The following LMF2 variants were observed in gnomAD, a reference collection of about 807,000 sequenced individuals.
The protein encoded by LMF2 is transmembrane protein 112B.
In LMF2, 113 loss-of-function variants were observed where a neutral mutation model predicts 81.5. The observed-to-expected ratio is 1.39, with a 90% CI of 1.19 to 1.62. The LOEUF (loss-of-function observed/expected upper bound fraction) is 1.62. LMF2 is among the 40% of genes most tolerant of loss of function. The pLI is 0.00. For synonymous variants in LMF2, 645 were observed against 424.5 expected (o/e 1.52, Z -6.39); for missense variants, 1,235 against 929.1 (o/e 1.33, Z -4.28).
rs138672971 is a variant in LMF2, at chr22:50,503,893, C to T, written c.1730G>A (p.Arg577Gln). 117 of 1,604,902 alleles carry T rather than the reference C, an allele frequency of 7.3e-5. No individual in the cohort carries two copies. The highest frequency in any genetic ancestry group is 1.0e-4 in the Admixed American group (6 of 59,930). Residue 577 changes from arginine to glutamine, a missense_variant, in exon 13 of 14, where the codon CGG (arginine) becomes CAG (glutamine). Transcript: ENST00000474879. ...GAAGAACTCCTCCACCCACTGGCGCCGCCACCACTGGCTGCAGCAGGACCC... is the reference window on the plus strand; with the variant it reads ...GAAGAACTCCTCCACCCACTGGCGCTGCCACCACTGGCTGCAGCAGGACCC... Reference protein sequence around the residue: ...SQPGEQGQWWRRQWVEEFFPS... With the variant: ...SQPGEQGQWWQRQWVEEFFPS...
In LMF2 at chr22:50,506,425, G is replaced by A. The variant is rs1040784806; in HGVS notation, c.455C>T (p.Ala152Val). 1.0e-5 allele frequency: 16 copies of A among 1,550,082 alleles called. No homozygotes were observed. The highest frequency in any genetic ancestry group is 5.5e-5 in the African/African-American group (4 of 73,288). The change falls in exon 4 of 14, where the codon GCC becomes GTC. Residue 152 changes from alanine to valine, a missense_variant. Coordinates refer to ENST00000474879, the MANE Select transcript of LMF2 (RefSeq NM_033200.3). ...PLRPASHRKE[A>V]PQGRQAGALP... ...GGCCCCTGCCTGCCTGCCCTGGGGG[G>A]CCTCCTTGCGGTGGGAGGCTGGCCT...
rs41280569 is a variant in LMF2, at chr22:50,502,987, A to G, written c.*404T>C. ...GACGCCTTTATTGGTGCCCAGATCT[A>G]AAGGGCAGGATGGGCTGGTGTGAAG... On this transcript the variant is annotated 3_prime_UTR_variant, in exon 14 of 14. Coordinates refer to ENST00000474879, the MANE Select transcript of LMF2 (RefSeq NM_033200.3). 0.021 allele frequency: 3,936 copies of G among 188,380 alleles called. 87 individuals carry two copies. Among genetic ancestry groups the G allele is most frequent in the Middle Eastern group, 0.088 (40 of 456 alleles). 11.7% of individuals were successfully genotyped at this position (188,380 alleles called of 1,614,324 possible). A position where few individuals can be genotyped will look rare whatever the true frequency, so the allele number is the denominator to read the frequency against.
In LMF2 at chr22:50,506,069, A is replaced by G; in HGVS notation, c.740T>C (p.Ile247Thr). ...IAVPPLFFAP[I>T]RRLRLAAFYS... ...GAAAGCAGCCAAGCGCAGGCGTCGA[A>G]TGGGGGCGAAGAACAGGGGCGGCAC... Residue 247 changes from isoleucine (I) to threonine (T), a missense_variant, in exon 5 of 14, where the codon ATT becomes ACT. Transcript: ENST00000474879. 1 of 1,591,870 alleles carries G rather than the reference A, an allele frequency of 6.3e-7. No individual in the cohort carries two copies. The highest frequency in any genetic ancestry group is 1.3e-5 in the African/African-American group (1 of 74,810).
chr22:50,507,421 A>G (rs960260305), intron 1 of LMF2, among the ~76,000 whole-genome samples, 161 bp downstream of exon 1: 1 of 149,722 alleles, frequency 6.7e-6, no homozygotes, highest in Non-Finnish European at 1.5e-5. Flanking sequence ...ACACCTTCCT[A>G]CCCCCACAGC....
At position 50,503,412 on chromosome 22, in the gene LMF2, C is replaced by G. The variant is rs746352269; in HGVS notation, c.2103G>C (p.Arg701Ser). ...ACAGCTACTTCTTTCGCCGGGTGGTCCTCGAACTACTGGAGCAGGGGTTGG... is the reference window on the plus strand; with the variant it reads ...ACAGCTACTTCTTTCGCCGGGTGGTGCTCGAACTACTGGAGCAGGGGTTGG... ...AAPNPCSSSS[R>S]TTRRKK is the part of the protein sequence containing the mutation. The change falls in exon 14 of 14, where the codon AGG (arginine) becomes AGC (serine). Residue 701 changes from arginine to serine, a missense_variant. Transcript: ENST00000474879. 6.2e-7 allele frequency: 1 copy of G among 1,610,038 alleles called. No individual in the cohort carries two copies. Among genetic ancestry groups the G allele is most frequent in the East Asian group, 2.2e-5 (1 of 44,760 alleles).
In LMF2 at chr22:50,504,448, A is replaced by G. The variant is rs770481325; in HGVS notation, c.1610T>C (p.Ile537Thr). Residue 537 changes from isoleucine to threonine, a missense_variant, in exon 12 of 14, where the codon ATC becomes ACC. Coordinates refer to ENST00000474879, the MANE Select transcript of LMF2 (RefSeq NM_033200.3). ...GGCCACTTGGCTCTGGACAAGGCGG[A>G]TCACTGCAGCGAGAGGCATCAGCGT... ...LRLLQGKEPVIRLVQSQVARY... is the reference protein window; with the variant it reads ...LRLLQGKEPVTRLVQSQVARY... The G allele has an allele frequency of 1.2e-6, 2 of 1,611,188 alleles. No homozygotes were observed. Among genetic ancestry groups the G allele is most frequent in the Non-Finnish European group, 1.7e-6 (2 of 1,179,498 alleles).
Position 50,504,973 on chromosome 22 carries a change from G to C in LMF2, c.1266C>G (p.Ser422=). The part of the protein sequence containing the change: ...ALFLISLVPY[S]YVEPGTHGRL... ...GCCCGTGGGTCCCGGGCTCCACGTA[G>C]GAGTACGGCACCTGGAGACAGGTGG... is the stretch of plus-strand genomic sequence containing the variant. The change falls in exon 10 of 14, where the codon TCC becomes TCG. Residue 422 remains serine, a synonymous_variant. Transcript: ENST00000474879. 6.2e-7 allele frequency: 1 copy of C among 1,609,436 alleles called. No individual in the cohort carries two copies. Among genetic ancestry groups the C allele is most frequent in the East Asian group, 2.2e-5 (1 of 44,738 alleles).
At position 50,503,521 on chromosome 22, in the gene LMF2, G is replaced by A. The variant is rs371376101; in HGVS notation, c.1994C>T (p.Pro665Leu). ...LLAPCSLRSS[P>L]LAPVSGEKRR... is the part of the protein sequence containing the mutation. ...CTTCTCCCCGCTGACTGGTGCCAGCGGGGAGGACCGGAGAGAACAGGGTGC... is the reference window on the plus strand; with the variant it reads ...CTTCTCCCCGCTGACTGGTGCCAGCAGGGAGGACCGGAGAGAACAGGGTGC... The change falls in exon 14 of 14, where the codon CCG becomes CTG. Residue 665 changes from proline to leucine, a missense_variant. Coordinates refer to ENST00000474879, the MANE Select transcript of LMF2 (RefSeq NM_033200.3). 3.8e-5 allele frequency: 60 copies of A among 1,573,464 alleles called. No homozygotes were observed. The African/African-American group carries it at 4.5e-4, about 12-fold the overall frequency.
At position 50,505,554 on chromosome 22, in the gene LMF2, T is replaced by C. The variant is rs372876010; in HGVS notation, c.917-17A>G. 4.7e-5 allele frequency: 76 copies of C among 1,612,084 alleles called. No individual in the cohort carries two copies. In the African/African-American group the frequency reaches 9.2e-4, roughly 20 times the overall value. On this transcript the variant is annotated splice_polypyrimidine_tract_variant and intron_variant, in intron 6 of 13. Coordinates refer to ENST00000474879, the MANE Select transcript of LMF2 (RefSeq NM_033200.3). ...TGGGCCAGGCTGTGGGGCAGGACAG[T>C]CATGGGTCAGCAGAGGGTCCCCAGC...
At position 50,507,598 on chromosome 22, in the gene LMF2, G is replaced by C. The variant is rs1360479814; in HGVS notation, c.78C>G (p.Leu26=). 1 of 1,564,964 alleles carries C rather than the reference G, an allele frequency of 6.4e-7. No homozygotes were observed. The highest frequency in any genetic ancestry group is 8.7e-7 in the Non-Finnish European group (1 of 1,155,518). The change falls in exon 1 of 14, where the codon CTC becomes CTG. Residue 26 remains leucine, a synonymous_variant. Transcript: ENST00000474879. ...AAVFMFAFAS[L]YTQIPGLYGP... is the part of the protein sequence containing the mutation. ...TGCCTTCACCTGGGATTTGCGTGTA[G>C]AGGGAAGCGAAAGCAAACATGAAGA...
chr22:50,504,710 G>T lies in LMF2; in HGVS notation c.1455C>A (p.Tyr485Ter), dbSNP rs1367994359. 6.2e-7 allele frequency: 1 copy of T among 1,609,948 alleles called. No individual in the cohort carries two copies. Among genetic ancestry groups the T allele is most frequent in the Non-Finnish European group, 8.5e-7 (1 of 1,179,420 alleles). ...GCGGCCGGCTCAGGTTCCCAGGCTTGTACATGAACTCGATCTCCTGCCAGG... is the reference window on the plus strand; with the variant it reads ...GCGGCCGGCTCAGGTTCCCAGGCTTTTACATGAACTCGATCTCCTGCCAGG... ...GHHWTEIEFM[Y>*]KPGNLSRPPP... is the part of the protein sequence containing the mutation. The change falls in exon 11 of 14, where the codon TAC becomes TAA. Residue 485 changes from tyrosine to a stop codon, truncating the protein, a stop_gained. Coordinates refer to ENST00000474879, the MANE Select transcript of LMF2 (RefSeq NM_033200.3). LOFTEE classifies it high-confidence loss of function.
rs768524142 is a variant in LMF2 at position 50,504,411 on chromosome 22, G to A, written c.1647C>T (p.Phe549=). The part of the protein sequence containing the change: ...LVQSQVARYP[F]HKQPPTYVRA... ...GGACGTAGGTGGGCGGCTGCTTGTG[G>A]AAGGGATACCTGGCCACTTGGCTCT... Residue 549 remains phenylalanine (F), a synonymous_variant, in exon 12 of 14, where the codon TTC becomes TTT. Transcript: ENST00000474879. 5.6e-6 allele frequency: 9 copies of A among 1,612,416 alleles called. No homozygotes were observed. The Admixed American group carries it at 1.3e-4, about 24-fold the overall frequency.
rs371408323 is a variant in LMF2 at position 50,505,692 on chromosome 22, G to A, written c.898C>T (p.Arg300Cys). The change falls in exon 6 of 14, where the codon CGC becomes TGC. Residue 300 changes from arginine (R) to cysteine (C), a missense_variant. Arg to Cys is a radical substitution (Grantham distance 180). Transcript: ENST00000474879. ...CACGCACAGGTGGCCGTCTTCTTGC[G>A]GCTGCCGTGGCCAGGCTCAGCAGCC... is the stretch of plus-strand genomic sequence containing the variant. ...HLAAEPGHGS[R>C]KKTATSWPKA... The A allele has an allele frequency of 6.8e-5, 110 of 1,612,598 alleles. 1 individual carries two copies. In the South Asian group the frequency reaches 8.9e-4, roughly 13 times the overall value.
rs943816706 is a variant in LMF2 at position 50,505,932 on chromosome 22, C to T, written c.774+103G>A. ...TACAAGGCCTTCCCAACAGCGGTTG[C>T]CAGCTGTCCCCGGGAGCCACGCTGT... is the stretch of plus-strand genomic sequence containing the variant. On this transcript the variant is annotated intron_variant, in intron 5 of 13. Coordinates refer to ENST00000474879, the MANE Select transcript of LMF2 (RefSeq NM_033200.3). The T allele has an allele frequency of 1.9e-6, 3 of 1,564,876 alleles. No homozygotes were observed. The Admixed American group carries it at 5.3e-5, about 28-fold the overall frequency.
rs548311167 is a variant in LMF2 at position 50,503,536 on chromosome 22, G to A, written c.1979C>T (p.Ser660Phe). The A allele has an allele frequency of 2.6e-6, 4 of 1,567,556 alleles. No homozygotes were observed. Among genetic ancestry groups the A allele is most frequent in the Non-Finnish European group, 3.4e-6 (4 of 1,160,256 alleles). Residue 660 changes from serine to phenylalanine, a missense_variant, in exon 14 of 14, where the codon TCT becomes TTT. By Grantham distance (155) the Ser-to-Phe change is radical (BLOSUM62 -2). Coordinates refer to ENST00000474879, the MANE Select transcript of LMF2 (RefSeq NM_033200.3). Reference sequence around the variant, plus strand: ...TGGTGCCAGCGGGGAGGACCGGAGAGAACAGGGTGCTAGCAGGGCTTGCAC... The same window carrying A: ...TGGTGCCAGCGGGGAGGACCGGAGAAAACAGGGTGCTAGCAGGGCTTGCAC... ...RFVQALLAPC[S>F]LRSSPLAPVS...
chr22:50,507,229 C>T (rs2068611775), intron 1 of LMF2, 194 bp from the exon 2 acceptor site: 3 of 878,846 alleles, frequency 3.4e-6, no homozygotes, highest in Admixed American at 5.9e-5. Context: ...GGGCTAGAGG[C>T]CTGCTCAACT....
chr22:50,503,652 C>G lies in LMF2; in HGVS notation c.1863G>C (p.Gln621His). 7.4e-7 allele frequency: 1 copy of G among 1,344,792 alleles called. No homozygotes were observed. Among genetic ancestry groups the G allele is most frequent in the Non-Finnish European group, 9.8e-7 (1 of 1,015,502 alleles). The allele number at this position is 1,344,792 out of a possible 1,614,324, so 83.3% of individuals were successfully genotyped here. Reference protein sequence around the residue: ...RTRSANSTLAQALHWTRSQLS... With the variant: ...RTRSANSTLAHALHWTRSQLS... The stretch of plus-strand genomic sequence containing the variant: ...GCTGAGAGCGAGTCCAGTGGAGGGC[C>G]TGGGCCAGGGTGCTGTTGGCGCTGC... Residue 621 changes from glutamine to histidine, a missense_variant, in exon 14 of 14, where the codon CAG (glutamine) becomes CAC (histidine). Physicochemically the swap from Gln to His is conservative, Grantham distance 24. Transcript: ENST00000474879.
chr22:50,504,650 G>C lies in LMF2; in HGVS notation c.1515C>G (p.Asp505Glu). ...PVVVPHQPRL[D>E]WQMWFAALGP... ...CCAGGGCTGCAAACCACATCTGCCA[G>C]TCCAGGCGTGGCTGGTGGGGCACCA... Residue 505 changes from aspartate to glutamate, a missense_variant, in exon 11 of 14, where the codon GAC becomes GAG. Coordinates refer to ENST00000474879, the MANE Select transcript of LMF2 (RefSeq NM_033200.3). 6.2e-7 allele frequency: 1 copy of C among 1,609,020 alleles called. No homozygotes were observed. Among genetic ancestry groups the C allele is most frequent in the Non-Finnish European group, 8.5e-7 (1 of 1,179,392 alleles).
Position 50,503,156 on chromosome 22 carries a change from C to T in LMF2, c.*235G>A. The T allele has an allele frequency of 3.8e-6, 2 of 523,770 alleles. No homozygotes were observed. The highest frequency in any genetic ancestry group is 2.6e-5 in the South Asian group (1 of 38,958). 32.4% of individuals were successfully genotyped at this position (523,770 alleles called of 1,614,324 possible). A position where few individuals can be genotyped will look rare whatever the true frequency, so the allele number is the denominator to read the frequency against. ...AGGGTCTTGAGCTTGGTCGTGTTTT[C>T]CTCCTGGGCCAATCACAGAGGCAAT... On this transcript the variant is annotated 3_prime_UTR_variant, in exon 14 of 14. Transcript: ENST00000474879.
Sources: gnomAD v4.1 joint callset for allele counts (sites outside exome capture counted in the v4.1 genomes callset) on GRCh38, gnomAD v4.1.1 for gene constraint, MANE v1.5 for transcripts, NCBI Gene and HGNC (gene_info 2026-07-23, HGNC 2026-07-21) for gene names.